Variants in KCNMB2 observed in about 807,000 individuals in gnomAD.
KCNMB2 encodes the protein calcium-activated potassium channel subunit beta-2.
A neutral mutation model predicts 24.5 loss-of-function variants in KCNMB2; 9 were observed. That is an observed-to-expected ratio of 0.37 (90% confidence interval 0.22 to 0.64). The LOEUF (loss-of-function observed/expected upper bound fraction) is 0.64. Among genes scored for constraint, KCNMB2 ranks in the 30% least tolerant of loss-of-function variants. KCNMB2 has a pLI of 0.63. For synonymous variants in KCNMB2, 109 were observed against 104.4 expected (o/e 1.04, Z -0.27); for missense variants, 226 against 284.3 (o/e 0.79, Z 1.47).
At chr3:178,614,287 A>ATATATATATATATATATATATATG (rs1718616528) in intron 1 of KCNMB2, among the ~76,000 whole-genome samples, 1 of 74,510 alleles carries the variant, frequency 1.3e-5, no homozygotes, top group African/African-American at 4.5e-5. Context: ...ATATATATAT[A>ATATATATATATATATATATATATG]TATATATATG....
At chr3:178,699,030 C>A (rs73047876) in intron 1 of KCNMB2, among the ~76,000 whole-genome samples, 1 of 152,206 alleles carries the variant, frequency 6.6e-6, no homozygotes, top group Non-Finnish European at 1.5e-5. Flanking sequence ...TGCTAGCAGA[C>A]GCAGGGCTGC....
At chr3:178,781,837 A>C (rs750856650) in intron 1 of KCNMB2, among the ~76,000 whole-genome samples, 20 of 150,174 alleles carry the variant, frequency 1.3e-4, no homozygotes, top group Non-Finnish European at 1.6e-4. Flanking sequence ...ATGTGCACAT[A>C]GTGCAGGTTA....
At chr3:178,742,329 T>C (rs1723521563) in intron 1 of KCNMB2, among the ~76,000 whole-genome samples, 1 of 152,208 alleles carries the variant, frequency 6.6e-6, no homozygotes. Flanking sequence ...CACACCTATG[T>C]CTTTGCTCTA....
At chr3:178,581,208 C>A (rs1206532200) in intron 1 of KCNMB2, among the ~76,000 whole-genome samples, 3 of 152,068 alleles carry the variant, frequency 2.0e-5, no homozygotes, top group Non-Finnish European at 2.9e-5. Context: ...TCAGAAATAA[C>A]ATCACACATC....
intron 1 of KCNMB2, among the ~76,000 whole-genome samples, chr3:178,634,197 C>T (rs751048087): frequency 6.6e-6 from 1 of 152,174 alleles, no homozygotes; most frequent in Non-Finnish European, 1.5e-5. Context: ...TCAAATGGTT[C>T]CCACCTCTGT....
chr3:178,631,251 G>A (rs1338774277), intron 1 of KCNMB2, among the ~76,000 whole-genome samples: 1 of 152,108 alleles, frequency 6.6e-6, no homozygotes, highest in Non-Finnish European at 1.5e-5. Context: ...CTCCGTGACT[G>A]ATAAACCTCT....
chr3:178,596,699 G>A (rs1050740858), intron 1 of KCNMB2, among the ~76,000 whole-genome samples: 2 of 144,348 alleles, frequency 1.4e-5, no homozygotes, highest in South Asian at 2.3e-4. Context: ...ACCAACCCCC[G>A]CCCCCAACCC....
At chr3:178,836,804 C>CA (rs1258969727) in intron 4 of KCNMB2, among the ~76,000 whole-genome samples, 1 of 151,762 alleles carries the variant, frequency 6.6e-6, no homozygotes, top group African/African-American at 2.4e-5. Flanking sequence ...CACCTCCCAC[C>CA]AAAAAAGAGA....
intron 1 of KCNMB2, among the ~76,000 whole-genome samples, chr3:178,797,638 C>T (rs890311339): frequency 2.6e-5 from 4 of 152,080 alleles, no homozygotes; most frequent in South Asian, 4.1e-4. Context: ...ATGATCATTT[C>T]GACTGATGTT....
chr3:178,840,547 C>T (rs1310842353), intron 4 of KCNMB2, among the ~76,000 whole-genome samples: 1 of 152,256 alleles, frequency 6.6e-6, no homozygotes, highest in South Asian at 2.1e-4. Flanking sequence ...CCTGGACACC[C>T]AGGCATTTCT....
At chr3:178,654,415 T>C (rs1427575574) in intron 1 of KCNMB2, among the ~76,000 whole-genome samples, 1 of 152,038 alleles carries the variant, frequency 6.6e-6, no homozygotes, top group Non-Finnish European at 1.5e-5. Flanking sequence ...AATACATTTA[T>C]CACAAAACAA....
At chr3:178,635,266 G>T (rs187341139) in intron 1 of KCNMB2, among the ~76,000 whole-genome samples, 1 of 152,244 alleles carries the variant, frequency 6.6e-6, no homozygotes, top group Non-Finnish European at 1.5e-5. Flanking sequence ...GCACCATTTG[G>T]ATACAAATTG....
chr3:178,765,617 G>C (rs542139417), intron 1 of KCNMB2, among the ~76,000 whole-genome samples: 3 of 86,098 alleles, frequency 3.5e-5, no homozygotes, highest in African/African-American at 2.2e-4. Flanking sequence ...GCTAGAATTT[G>C]TGTGTGTGTG....
At chr3:178,753,759 A>T (rs1560002756) in intron 1 of KCNMB2, among the ~76,000 whole-genome samples, 2 of 152,176 alleles carry the variant, frequency 1.3e-5, no homozygotes, top group Non-Finnish European at 2.9e-5. Flanking sequence ...GCTAATTAAC[A>T]TATTCATTAC....
At position 178,843,181 on chromosome 3, in the gene KCNMB2, G is replaced by A; in HGVS notation, c.*244G>A. The A allele has an allele frequency of 1.7e-6, 1 of 583,620 alleles. No individual in the cohort carries two copies. The highest frequency in any genetic ancestry group is 3.2e-6 in the Non-Finnish European group (1 of 309,948). 36.2% of individuals were successfully genotyped at this position (583,620 alleles called of 1,614,324 possible). On this transcript the variant is annotated 3_prime_UTR_variant, in exon 5 of 5. Coordinates refer to ENST00000452583, the MANE Select transcript of KCNMB2 (RefSeq NM_181361.3). ...TAATCTTATTTCTGTACTGGAACTA[G>A]TACTTTCTTCTCTCATTCCGCCAAA...
chr3:178,586,941 G>A (rs1488961568), intron 1 of KCNMB2, among the ~76,000 whole-genome samples: 1 of 152,082 alleles, frequency 6.6e-6, no homozygotes, highest in Non-Finnish European at 1.5e-5. Context: ...TGTTTTTTAT[G>A]TTTAGATTTT....
chr3:178,573,835 T>C (rs182707763), intron 1 of KCNMB2, among the ~76,000 whole-genome samples: 263 of 151,884 alleles, frequency 1.7e-3, no homozygotes, highest in Non-Finnish European at 2.1e-3. Context: ...TAAACTGCTT[T>C]CTACACGTTT....
At chr3:178,572,444 G>C (rs1053661014) in intron 1 of KCNMB2, among the ~76,000 whole-genome samples, 2 of 152,132 alleles carry the variant, frequency 1.3e-5, no homozygotes, top group Admixed American at 1.3e-4. Context: ...GATGATGAAA[G>C]ATTATCAAGA....
chr3:178,844,127 G>A lies in KCNMB2; in HGVS notation c.*1190G>A, dbSNP rs373188020. On this transcript the variant is annotated 3_prime_UTR_variant, in exon 5 of 5. Transcript: ENST00000452583. ...TACTTTTGTGTTTGGGGGAAAATAC[G>A]AGGGATTGATTTTAAATAAAAAACA... The A allele has an allele frequency of 5.9e-5, 9 of 152,468 alleles. No homozygotes were observed. The highest frequency in any genetic ancestry group is 3.8e-4 in the East Asian group (2 of 5,196). The allele number at this position is 152,468 out of a possible 1,614,324, so 9.4% of individuals were successfully genotyped here.
Sources: gnomAD v4.1 joint callset for allele counts (sites outside exome capture counted in the v4.1 genomes callset) on GRCh38, gnomAD v4.1.1 for gene constraint, MANE v1.5 for transcripts, NCBI Gene and HGNC (gene_info 2026-07-23, HGNC 2026-07-21) for gene names.